Variants in CACNA1I observed in about 807,000 individuals in gnomAD.
CACNA1I encodes calcium voltage-gated channel subunit alpha1 I.
In CACNA1I, 74 loss-of-function variants were observed where a neutral mutation model predicts 201.6. The observed-to-expected ratio is 0.37, with a 90% CI of 0.30 to 0.45. CACNA1I has a LOEUF of 0.45. Ranked by LOEUF, CACNA1I falls within the 20% of genes least tolerant of loss-of-function variation. The probability of loss-of-function intolerance (pLI) is 1.00; values close to 1 mark genes in which losing one functional copy is unlikely to be tolerated. For synonymous variants in CACNA1I, 1,431 were observed against 1,345.2 expected (o/e 1.06, Z -1.40); for missense variants, 2,346 against 3,138.1 (o/e 0.75, Z 6.03).
chr22:39,637,273 G>A (rs1934244540), intron 5 of CACNA1I, among the ~76,000 whole-genome samples: 1 of 152,188 alleles, frequency 6.6e-6, no homozygotes, highest in Non-Finnish European at 1.5e-5. Context: ...CCAGGGTGGG[G>A]ACCAATGGGG....
chr22:39,680,923 C>T lies in CACNA1I; in HGVS notation c.5542-7C>T, dbSNP rs775644503. 1.9e-6 allele frequency: 3 copies of T among 1,607,090 alleles called. No homozygotes were observed. In the African/African-American group the frequency reaches 4.0e-5, roughly 21 times the overall value. On this transcript the variant is annotated splice_polypyrimidine_tract_variant and splice_region_variant and intron_variant, in intron 33 of 36. Transcript: ENST00000402142. ...GGGTGACCCGAGGCCACCCCCTCTT[C>T]CTGCAGGTGCAGCTGGCTGAGACGG...
At position 39,685,936 on chromosome 22, in the gene CACNA1I, G is replaced by A; in HGVS notation, c.6203G>A (p.Ser2068Asn). 1 of 1,291,410 alleles carries A rather than the reference G, an allele frequency of 7.7e-7. No individual in the cohort carries two copies. The highest frequency in any genetic ancestry group is 2.7e-5 in the South Asian group (1 of 37,026). 80.0% of individuals were successfully genotyped at this position (1,291,410 alleles called of 1,614,324 possible). The stretch of plus-strand genomic sequence containing the variant: ...TCCCCCGCCGCTCGCCGCCGCCTGA[G>A]CCTGCGCGGCCGGGGCCTCTTCAGC... ...GLSPAARRRL[S>N]LRGRGLFSLR... Residue 2068 changes from serine (S) to asparagine (N), a missense_variant, in exon 37 of 37, where the codon AGC becomes AAC. By Grantham distance (46) the Ser-to-Asn change is conservative. This residue lies in a region of CACNA1I where 441 missense variants were observed against 555.6 expected (regional missense o/e 0.79). Transcript: ENST00000402142. This position sits in a 1 kb window ranked among gnomAD's most constrained non-coding sequence, Gnocchi z 5.0.
chr22:39,637,809 T>G (rs978675673), intron 5 of CACNA1I, among the ~76,000 whole-genome samples: 4 of 152,258 alleles, frequency 2.6e-5, no homozygotes, highest in Non-Finnish European at 4.4e-5. Flanking sequence ...TTAAGAAATC[T>G]TTTCTAAAGG....
At chr22:39,631,731 C>T (rs1032002172) in intron 4 of CACNA1I, among the ~76,000 whole-genome samples, 1 of 152,186 alleles carries the variant, frequency 6.6e-6, no homozygotes, top group Non-Finnish European at 1.5e-5. Flanking sequence ...CTCTCCTTGC[C>T]TCCACCTCCT....
chr22:39,575,056 A>G (rs1932300266), intron 1 of CACNA1I, among the ~76,000 whole-genome samples: 1 of 152,154 alleles, frequency 6.6e-6, no homozygotes, highest in Admixed American at 6.5e-5. Context: ...GGAAAGGGCC[A>G]CTCGCCCATA....
intron 1 of CACNA1I, among the ~76,000 whole-genome samples, chr22:39,595,039 C>G (rs1168588145): frequency 6.6e-6 from 1 of 152,206 alleles, no homozygotes; most frequent in Non-Finnish European, 1.5e-5. Context: ...CCTATAATCC[C>G]AGCACTTTGG....
intron 4 of CACNA1I, among the ~76,000 whole-genome samples, chr22:39,631,449 C>T (rs963676248): frequency 3.9e-5 from 6 of 152,228 alleles, no homozygotes; most frequent in African/African-American, 1.4e-4. Flanking sequence ...ACTAAGAACA[C>T]AGAACCAGGT....
At position 39,687,040 on chromosome 22, in the gene CACNA1I, T is replaced by G. The variant is rs900796391; in HGVS notation, c.*635T>G. ...TGTCATCCTGACTGTCTCGTTATTG[T>G]GAAGTCTTTCGTAGACACCCCAGAG... On this transcript the variant is annotated 3_prime_UTR_variant, in exon 37 of 37. Transcript: ENST00000402142. 2 of 152,138 alleles carry G rather than the reference T, an allele frequency of 1.3e-5. No homozygotes were observed. The highest frequency in any genetic ancestry group is 2.9e-5 in the Non-Finnish European group (2 of 68,010). The allele number at this position is 152,138 out of a possible 1,614,324, so 9.4% of individuals were successfully genotyped here.
chr22:39,595,625 C>CAA (rs132586), intron 1 of CACNA1I, among the ~76,000 whole-genome samples: 1 of 145,096 alleles, frequency 6.9e-6, no homozygotes. Flanking sequence ...AACTCCATCT[C>CAA]AAAAAAAAAA....
intron 3 of CACNA1I, among the ~76,000 whole-genome samples, chr22:39,612,572 C>T (rs1006462603): frequency 2.6e-5 from 4 of 152,112 alleles, no homozygotes; most frequent in South Asian, 2.1e-4. Context: ...TGAGTCCTCA[C>T]GTGAAGGGGC....
intron 4 of CACNA1I, among the ~76,000 whole-genome samples, chr22:39,627,114 G>A (rs1372854845): frequency 6.6e-6 from 1 of 152,066 alleles, no homozygotes; most frequent in Admixed American, 6.6e-5. Context: ...GCGTGTAGGC[G>A]CCAGACACCC....
chr22:39,681,401 C>A (rs186479148), intron 34 of CACNA1I, among the ~76,000 whole-genome samples: 112 of 152,320 alleles, frequency 7.4e-4, no homozygotes, highest in African/African-American at 2.6e-3. Context: ...GGCACAAGCA[C>A]CTGCTATGTG....
chr22:39,578,804 C>A (rs1415486970), intron 1 of CACNA1I, among the ~76,000 whole-genome samples: 1 of 152,202 alleles, frequency 6.6e-6, no homozygotes, highest in Admixed American at 6.5e-5. Flanking sequence ...CAGCCCTATT[C>A]TTCCCGTTCT....
At chr22:39,617,466 C>T (rs1164424019) in intron 3 of CACNA1I, among the ~76,000 whole-genome samples, 2 of 151,634 alleles carry the variant, frequency 1.3e-5, no homozygotes, top group African/African-American at 4.8e-5. Context: ...AGAGAGGCTG[C>T]GTCTGTGGGG....
chr22:39,653,508 G>T (rs1054273543), intron 10 of CACNA1I, among the ~76,000 whole-genome samples: 2 of 152,192 alleles, frequency 1.3e-5, no homozygotes, highest in Non-Finnish European at 2.9e-5. Flanking sequence ...GGTGGCCCAG[G>T]GCTTCCAAGG....
intron 1 of CACNA1I, among the ~76,000 whole-genome samples, chr22:39,596,503 G>C (rs1370176204): frequency 3.0e-5 from 3 of 100,262 alleles, no homozygotes; most frequent in African/African-American, 1.2e-4. Context: ...GAGATGGGGG[G>C]CAGGGTGGAG....
In CACNA1I at chr22:39,646,800, C is replaced by T. The variant is rs1338816492; in HGVS notation, c.1381C>T (p.Gln461Ter). Residue 461 changes from glutamine (Q) to a stop codon, truncating the protein, a stop_gained, in exon 8 of 37, where the codon CAG (glutamine) becomes TAG (stop). Coordinates refer to ENST00000402142, the MANE Select transcript of CACNA1I (RefSeq NM_021096.4). LOFTEE classifies it high-confidence loss of function. ...CGCCCTGGGCCTCTACCAGGCCCTG[C>T]AGAGCCGGCGCCAGGCCCTGGGCCC... ...RRALGLYQAL[Q>*]SRRQALGPEA... 1 of 1,558,130 alleles carries T rather than the reference C, an allele frequency of 6.4e-7. No individual in the cohort carries two copies. The highest frequency in any genetic ancestry group is 8.7e-7 in the Non-Finnish European group (1 of 1,151,526).
intron 3 of CACNA1I, among the ~76,000 whole-genome samples, chr22:39,615,694 G>A (rs911238352): frequency 9.2e-5 from 14 of 152,174 alleles, no homozygotes; most frequent in Non-Finnish European, 1.9e-4. Context: ...AGAACTACAC[G>A]ATTCTTCACT....
Position 39,663,713 on chromosome 22 carries a change from C to T in CACNA1I, c.3474-5C>T, listed in dbSNP as rs1241454441. ...GCTCAGGCAGCCCCCGCCCACCCTG[C>T]CCAGGTTCCGGGTCCTGTGTCAGAC... On this transcript the variant is annotated splice_polypyrimidine_tract_variant and splice_region_variant and intron_variant, in intron 18 of 36. Transcript: ENST00000402142. 1.2e-6 allele frequency: 2 copies of T among 1,604,014 alleles called. No homozygotes were observed. The highest frequency in any genetic ancestry group is 3.3e-5 in the Admixed American group (2 of 59,764).
Sources: allele counts gnomAD v4.1 joint callset (sites outside exome capture counted in the v4.1 genomes callset), GRCh38; gene constraint gnomAD v4.1.1; regional missense constraint gnomAD v4.1.1; non-coding constraint Gnocchi (gnomAD v3.1); transcripts MANE v1.5; gene names NCBI Gene and HGNC (gene_info 2026-07-23, HGNC 2026-07-21).